MACROD2: variants seen among roughly 807,000 people sequenced by gnomAD.
The protein encoded by MACROD2 is mono-ADP ribosylhydrolase 2, also known as ADP-ribose glycohydrolase MACROD2.
Under a neutral mutation model 70.4 loss-of-function variants are expected in MACROD2, and 36 were observed. The observed-to-expected ratio is 0.51, with a 90% CI of 0.39 to 0.68. The LOEUF is 0.68. MACROD2 is among the 30% of genes least tolerant of loss of function. MACROD2 has a pLI of 0.00. For synonymous variants in MACROD2, 172 were observed against 178.8 expected, an observed-to-expected ratio of 0.96 and a Z score of 0.30; for missense variants, 496 against 538.4, an observed-to-expected ratio of 0.92 and a Z score of 0.78.
chr20:15,444,477 G>A (rs6043285), intron 7 of MACROD2, among the ~76,000 whole-genome samples: 1 of 152,100 alleles, frequency 6.6e-6, no homozygotes, highest in Non-Finnish European at 1.5e-5. Context: ...GTTTCTCTCA[G>A]GCCTCTCCAA....
chr20:15,201,806 C>T (rs958010337), intron 5 of MACROD2, among the ~76,000 whole-genome samples: 1 of 152,186 alleles, frequency 6.6e-6, no homozygotes, highest in Non-Finnish European at 1.5e-5. Flanking sequence ...CAAATGCAGT[C>T]TCCTTTTATT....
At chr20:15,857,583 C>T (rs1303030622) in intron 8 of MACROD2, among the ~76,000 whole-genome samples, 3 of 152,174 alleles carry the variant, frequency 2.0e-5, no homozygotes, top group Non-Finnish European at 4.4e-5. Context: ...CATGCATGAT[C>T]GCCCAAGCCC....
At chr20:15,027,838 T>C (rs899338659) in intron 5 of MACROD2, among the ~76,000 whole-genome samples, 6 of 152,154 alleles carry the variant, frequency 3.9e-5, no homozygotes, top group African/African-American at 1.4e-4. Flanking sequence ...AAATTATGAA[T>C]TCCCCCAACA....
chr20:15,016,307 A>G (rs1006995073), intron 5 of MACROD2, among the ~76,000 whole-genome samples: 2 of 152,164 alleles, frequency 1.3e-5, no homozygotes, highest in Admixed American at 6.6e-5. Context: ...GGTCTAGATG[A>G]CACTTCAAAG....
Position 15,779,144 on chromosome 20 carries a change from G to A in MACROD2, c.646-83601G>A, listed in dbSNP as rs529117832. Among the ~76,000 whole-genome samples, 5 of 152,088 alleles carry A rather than the reference G, an allele frequency of 3.3e-5. No homozygotes were observed. In the South Asian group the frequency reaches 1.0e-3, roughly 32 times the overall value. On this transcript the variant is annotated intron_variant, in intron 8 of 17. Transcript: ENST00000684519. ...GATCCCAGGAGTTACCTGGAGACTCGGCATTATTATTCAGAGAACACTTGG... is the reference window on the plus strand; with the variant it reads ...GATCCCAGGAGTTACCTGGAGACTCAGCATTATTATTCAGAGAACACTTGG...
chr20:15,359,671 A>G (rs1188176071), intron 6 of MACROD2, among the ~76,000 whole-genome samples: 1 of 152,036 alleles, frequency 6.6e-6, no homozygotes, highest in African/African-American at 2.4e-5. Flanking sequence ...CTCTTTCTCT[A>G]TATATGCACA....
At chr20:15,884,999 C>G (rs929964834) in intron 9 of MACROD2, among the ~76,000 whole-genome samples, 2 of 152,074 alleles carry the variant, frequency 1.3e-5, no homozygotes, top group African/African-American at 4.8e-5. Context: ...ATCTAATCAA[C>G]TTCCAAAGGC....
chr20:14,336,587 T>C (rs2082941876), intron 3 of MACROD2, among the ~76,000 whole-genome samples: 1 of 152,218 alleles, frequency 6.6e-6, no homozygotes. Context: ...ACCCACTTGA[T>C]AAGGGCTCTA....
At chr20:14,031,952 A>T (rs2053250539) in intron 2 of MACROD2, among the ~76,000 whole-genome samples, 1 of 152,090 alleles carries the variant, frequency 6.6e-6, no homozygotes, top group African/African-American at 2.4e-5. Flanking sequence ...AGGTTAACTA[A>T]TTGTATGGTT....
rs1285408129 is a variant in MACROD2, at chr20:15,851,436, C to T, written c.646-11309C>T. 2.6e-5 allele frequency among the ~76,000 whole-genome samples: 4 copies of T among 152,108 alleles called. No individual in the cohort carries two copies. The East Asian group carries it at 7.8e-4, about 30-fold the overall frequency. The stretch of plus-strand genomic sequence containing the variant: ...GGGGCATTTCTTCTGAGGTTTCTCT[C>T]CTTGGCTGGCAGATGGCCATCTTCC... On this transcript the variant is annotated intron_variant, in intron 8 of 17. Coordinates refer to ENST00000684519, the MANE Select transcript of MACROD2 (RefSeq NM_001351661.2).
chr20:15,189,177 C>T (rs1391733770), intron 5 of MACROD2, among the ~76,000 whole-genome samples: 1 of 151,838 alleles, frequency 6.6e-6, no homozygotes, highest in Non-Finnish European at 1.5e-5. Context: ...AGCACCTAGC[C>T]AACTTGGAGC....
chr20:15,509,497 T>G (rs1052349075), intron 8 of MACROD2, among the ~76,000 whole-genome samples: 10 of 152,150 alleles, frequency 6.6e-5, no homozygotes, highest in African/African-American at 2.4e-4. Context: ...GATTGGTATA[T>G]CTGAAAAAGA....
intron 3 of MACROD2, among the ~76,000 whole-genome samples, chr20:14,364,837 A>T (rs2083257231): frequency 6.6e-6 from 1 of 152,124 alleles, no homozygotes; most frequent in African/African-American, 2.4e-5. Context: ...TCCATGTCAA[A>T]ATTTGCCCAT....
chr20:15,684,088 C>T (rs185579756), intron 8 of MACROD2, among the ~76,000 whole-genome samples: 5 of 152,094 alleles, frequency 3.3e-5, no homozygotes, highest in South Asian at 2.1e-4. Flanking sequence ...GTGTTTAAAT[C>T]GCTTTCCTCA....
intron 3 of MACROD2, among the ~76,000 whole-genome samples, chr20:14,409,725 A>C (rs2083729175): frequency 6.6e-6 from 1 of 152,100 alleles, no homozygotes; most frequent in Non-Finnish European, 1.5e-5. Flanking sequence ...CTTTAGCTGC[A>C]CTTGCTCAGA....
At chr20:15,513,850 C>A (rs969673678) in intron 8 of MACROD2, among the ~76,000 whole-genome samples, 1 of 152,146 alleles carries the variant, frequency 6.6e-6, no homozygotes, top group Non-Finnish European at 1.5e-5. Flanking sequence ...TTTTTGTCAA[C>A]AACAGAACAC....
intron 3 of MACROD2, among the ~76,000 whole-genome samples, chr20:14,207,159 G>A (rs1363907860): frequency 6.6e-6 from 1 of 151,924 alleles, no homozygotes; most frequent in Non-Finnish European, 1.5e-5. Flanking sequence ...AGGCTGGAGT[G>A]CAATTTCAGC....
At chr20:15,794,200 C>G (rs1195164708) in intron 8 of MACROD2, among the ~76,000 whole-genome samples, 2 of 152,096 alleles carry the variant, frequency 1.3e-5, no homozygotes, top group African/African-American at 4.8e-5. Flanking sequence ...ACAACAACGA[C>G]AACAAATGGA....
intron 5 of MACROD2, among the ~76,000 whole-genome samples, chr20:15,023,676 A>T (rs2075207456): frequency 6.6e-6 from 1 of 152,116 alleles, no homozygotes; most frequent in African/African-American, 2.4e-5. Context: ...TTAGAAAACC[A>T]TCAGATCTCG....
Sources: allele counts gnomAD v4.1 joint callset (sites outside exome capture counted in the v4.1 genomes callset), GRCh38; gene constraint gnomAD v4.1.1; transcripts MANE v1.5; gene names NCBI Gene and HGNC (gene_info 2026-07-23, HGNC 2026-07-21).